Variants in RGS5 observed in about 807,000 individuals in gnomAD.
The protein encoded by RGS5 is regulator of G protein signaling 5.
RGS5 carries 20 observed loss-of-function variants against 18.9 expected under a neutral mutation model. The observed-to-expected ratio is 1.06, with a 90% CI of 0.74 to 1.54. RGS5 has a LOEUF of 1.54. Among genes scored for constraint, RGS5 ranks in the 40% most tolerant of loss-of-function variants. The probability of loss-of-function intolerance (pLI) is 0.00; values close to 1 mark genes in which losing one functional copy is unlikely to be tolerated. For missense variants in RGS5, 201 were observed against 211.8 expected, an observed-to-expected ratio of 0.95 and a Z score of 0.32; for synonymous variants, 57 against 76.2, an observed-to-expected ratio of 0.75 and a Z score of 1.31.
chr1:163,309,353 T>C (rs1157721265), intron 1 of RGS5, among the ~76,000 whole-genome samples: 4 of 152,240 alleles, frequency 2.6e-5, no homozygotes, highest in East Asian at 1.9e-4. Context: ...ATTGTACCCA[T>C]AGAACTTCTT....
chr1:163,320,646 C>T (rs1485580045), intron 1 of RGS5, among the ~76,000 whole-genome samples: 1 of 152,196 alleles, frequency 6.6e-6, no homozygotes, highest in Non-Finnish European at 1.5e-5. Context: ...GCTTTCCTCA[C>T]TGACTCTAAT....
chr1:163,178,605 C>T (rs1557892053), intron 1 of RGS5, among the ~76,000 whole-genome samples: 1 of 152,054 alleles, frequency 6.6e-6, no homozygotes, highest in Non-Finnish European at 1.5e-5. Flanking sequence ...GCTCTAGCTT[C>T]AAGAGATTAT....
chr1:163,178,505 A>G (rs6685564), intron 1 of RGS5, among the ~76,000 whole-genome samples: 6,706 of 152,164 alleles, frequency 0.044, 416 homozygotes, highest in African/African-American at 0.14. Context: ...ACAGAAGGGT[A>G]CAACAATGTA....
At chr1:163,305,366 T>C (rs1022192296) in intron 2 of RGS5, 2 of 152,550 alleles carry the variant, frequency 1.3e-5, no homozygotes, top group Admixed American at 6.5e-5. Context: ...CTAAAGCTAC[T>C]AGCTCTCCAT....
At chr1:163,291,314 C>T (rs956911139) in intron 2 of RGS5, among the ~76,000 whole-genome samples, 6 of 152,110 alleles carry the variant, frequency 3.9e-5, no homozygotes, top group African/African-American at 1.2e-4. Context: ...CCCATCATGC[C>T]TTTACCCTTC....
At chr1:163,180,008 T>A (rs1463223609) in intron 1 of RGS5, among the ~76,000 whole-genome samples, 1 of 152,222 alleles carries the variant, frequency 6.6e-6, no homozygotes, top group Non-Finnish European at 1.5e-5. Flanking sequence ...TGTTTTTCTG[T>A]CTTCCCAGAA....
chr1:163,196,461 T>C (rs763905505), intron 1 of RGS5, among the ~76,000 whole-genome samples: 34 of 152,162 alleles, frequency 2.2e-4, no homozygotes, highest in Non-Finnish European at 4.4e-4. Flanking sequence ...TTCTGGGATG[T>C]TTCAAAATGT....
rs573014660 is a variant in RGS5, at chr1:163,146,494, T to C, written c.*848A>G. On this transcript the variant is annotated 3_prime_UTR_variant, in exon 5 of 5. Coordinates refer to ENST00000313961, the MANE Select transcript of RGS5 (RefSeq NM_003617.4). ...GGAGCAACAGTTTCATTTTACATGA[T>C]TGGATTTAGAAATTTACAAATTTTA... 8.5e-5 allele frequency: 13 copies of C among 152,304 alleles called. No individual in the cohort carries two copies. In the South Asian group the frequency reaches 2.5e-3, roughly 29 times the overall value. 9.4% of individuals were successfully genotyped at this position (152,304 alleles called of 1,614,324 possible).
At chr1:163,214,827 T>A (rs966840671) in intron 1 of RGS5, among the ~76,000 whole-genome samples, 1 of 152,234 alleles carries the variant, frequency 6.6e-6, no homozygotes, top group African/African-American at 2.4e-5. Flanking sequence ...AACATTCATG[T>A]ACTCATGACC....
At chr1:163,175,433 C>G (rs1425333840) in intron 1 of RGS5, among the ~76,000 whole-genome samples, 1 of 152,150 alleles carries the variant, frequency 6.6e-6, no homozygotes, top group Non-Finnish European at 1.5e-5. Flanking sequence ...GGCTCCGAGA[C>G]AGGGTAATGG....
intron 2 of RGS5, among the ~76,000 whole-genome samples, chr1:163,166,638 G>A (rs1658067347): frequency 6.6e-6 from 1 of 152,260 alleles, no homozygotes; most frequent in Admixed American, 6.5e-5. Context: ...AATAGATACA[G>A]AATTATTCTC....
intron 1 of RGS5, among the ~76,000 whole-genome samples, chr1:163,311,057 G>A (rs946529206): frequency 6.6e-6 from 1 of 152,168 alleles, no homozygotes; most frequent in African/African-American, 2.4e-5. Context: ...GATACATGGG[G>A]ATTATGAGGA....
chr1:163,228,838 C>A (rs1468031556), intron 2 of RGS5, among the ~76,000 whole-genome samples: 2 of 152,220 alleles, frequency 1.3e-5, no homozygotes, highest in African/African-American at 4.8e-5. Flanking sequence ...TGCCACCAGT[C>A]TCTTTGCTAA....
chr1:163,172,892 C>T (rs143338121), intron 1 of RGS5, among the ~76,000 whole-genome samples: 101 of 152,272 alleles, frequency 6.6e-4, no homozygotes, highest in Non-Finnish European at 1.2e-3. Context: ...TTGTTTTACT[C>T]CTCAAGAATC....
At chr1:163,188,819 G>A (rs1410990347) in intron 1 of RGS5, among the ~76,000 whole-genome samples, 1 of 143,646 alleles carries the variant, frequency 7.0e-6, no homozygotes, top group Non-Finnish European at 1.5e-5. Flanking sequence ...TTAGCGTGGT[G>A]ACACGAGCCT....
Position 163,143,938 on chromosome 1 carries a change from T to C in RGS5, c.*3404A>G, listed in dbSNP as rs1338217474. ...AATTAACAGCTCCATCCTATTGAAA[T>C]GGCTTGTGTACAGAGCACACATCAA... is the stretch of plus-strand genomic sequence containing the variant. On this transcript the variant is annotated 3_prime_UTR_variant, in exon 5 of 5. Transcript: ENST00000313961. 1 of 152,090 alleles carries C rather than the reference T, an allele frequency of 6.6e-6. No individual in the cohort carries two copies. The highest frequency in any genetic ancestry group is 2.4e-5 in the African/African-American group (1 of 41,414). The allele number at this position is 152,090 out of a possible 1,614,324, so 9.4% of individuals were successfully genotyped here. A position where few individuals can be genotyped will look rare whatever the true frequency, so the allele number is the denominator to read the frequency against.
Position 163,314,793 on chromosome 1 carries a change from C to T in RGS5, c.-378+6829G>A, listed in dbSNP as rs930879712. On this transcript the variant is annotated intron_variant, in intron 1 of 5. Coordinates refer to the RGS5 transcript ENST00000618415. ...GACTAGTGCCCTTAAAAAAGAGGTC[C>T]AACAAAGCTCATTCATGCCTTCCAT... is the stretch of plus-strand genomic sequence containing the variant. Among the ~76,000 whole-genome samples, 4 of 152,042 alleles carry T rather than the reference C, an allele frequency of 2.6e-5. No individual in the cohort carries two copies. In the East Asian group the frequency reaches 7.7e-4, roughly 29 times the overall value.
rs1326315758 is a variant in RGS5, at chr1:163,147,128, G to T, written c.*214C>A. On this transcript the variant is annotated 3_prime_UTR_variant, in exon 5 of 5. Coordinates refer to ENST00000313961, the MANE Select transcript of RGS5 (RefSeq NM_003617.4). ...TGAAGATATCTTAATTAATAACAGG[G>T]CAGGAAGAATTGAGTGGGGAAAGAA... The T allele has an allele frequency of 5.1e-6, 2 of 395,174 alleles. No homozygotes were observed. The highest frequency in any genetic ancestry group is 4.0e-5 in the East Asian group (1 of 25,062). The allele number at this position is 395,174 out of a possible 1,614,324, so 24.5% of individuals were successfully genotyped here.
At chr1:163,184,589 G>C (rs1416530243) in intron 1 of RGS5, among the ~76,000 whole-genome samples, 1 of 152,114 alleles carries the variant, frequency 6.6e-6, no homozygotes, top group Non-Finnish European at 1.5e-5. Context: ...ATAAGTTAAG[G>C]ATCTTGAAGT....
Sources: gnomAD v4.1 joint callset for allele counts (sites outside exome capture counted in the v4.1 genomes callset) on GRCh38, gnomAD v4.1.1 for gene constraint, MANE v1.5 for transcripts, NCBI Gene and HGNC (gene_info 2026-07-23, HGNC 2026-07-21) for gene names.